Variants in ANO1 observed in about 807,000 individuals in gnomAD.
ANO1 encodes the protein anoctamin-1.
A neutral mutation model predicts 124.0 loss-of-function variants in ANO1; 59 were observed. The ratio of observed to expected loss-of-function variants is 0.48; its 90% CI spans 0.39 to 0.59. The LOEUF (loss-of-function observed/expected upper bound fraction) is 0.59. Ranked by LOEUF, ANO1 falls within the 20% of genes least tolerant of loss-of-function variation. ANO1 has a pLI of 0.00. For missense variants in ANO1, 1,059 were observed against 1,328.0 expected (o/e 0.80, Z 3.15); for synonymous variants, 529 against 532.0 (o/e 0.99, Z 0.08).
chr11:70,114,098 T>C (rs2045889831), intron 7 of ANO1, among the ~76,000 whole-genome samples: 1 of 152,206 alleles, frequency 6.6e-6, no homozygotes, highest in African/African-American at 2.4e-5. Context: ...ACAAGAAGCA[T>C]CTCCAAGATC....
rs1755732014 is a variant in ANO1 at position 70,103,099 on chromosome 11, C to T, written c.475C>T (p.His159Tyr). Reference sequence around the variant, plus strand: ...CCACGGAGTCGGGTTTGTGAAAATCCATGCCCCCTGGAACGTGCTGTGCAG... The same window carrying T: ...CCACGGAGTCGGGTTTGTGAAAATCTATGCCCCCTGGAACGTGCTGTGCAG... ...KIHGVGFVKI[H>Y]APWNVLCREA... The change falls in exon 3 of 26, where the codon CAT becomes TAT. Residue 159 changes from histidine to tyrosine, a missense_variant. Transcript: ENST00000355303. The T allele has an allele frequency of 6.2e-7, 1 of 1,612,752 alleles. No homozygotes were observed. Among genetic ancestry groups the T allele is most frequent in the South Asian group, 1.1e-5 (1 of 90,732 alleles).
At chr11:70,105,835 T>C (rs202230693) in intron 5 of ANO1, 47 bp downstream of exon 5, 9 of 1,579,216 alleles carry the variant, frequency 5.7e-6, no homozygotes, top group Middle Eastern at 3.4e-4. Flanking sequence ...AAGATGGCCC[T>C]GGGGATCCAG....
chr11:70,126,258 G>C, intron 10 of ANO1, 63 bp downstream of exon 10: 1 of 1,549,948 alleles, frequency 6.5e-7, no homozygotes, highest in Non-Finnish European at 8.7e-7. Context: ...TGCCATCCCA[G>C]CTGCACAATT....
chr11:70,162,165 G>T (rs1446772666), intron 18 of ANO1, among the ~76,000 whole-genome samples: 1 of 149,920 alleles, frequency 6.7e-6, no homozygotes, highest in African/African-American at 2.5e-5. Flanking sequence ...ACCCGGGAGT[G>T]AGGGCCTTGG....
At chr11:69,991,704 T>C (rs1444785070) in intron 1 of ANO1, among the ~76,000 whole-genome samples, 1 of 152,212 alleles carries the variant, frequency 6.6e-6, no homozygotes, top group Non-Finnish European at 1.5e-5. Flanking sequence ...TTAGGACAGT[T>C]ACAGTACCAG....
upstream of ANO1, among the ~76,000 whole-genome samples, chr11:70,074,426 C>G (rs549401194): frequency 6.6e-6 from 1 of 152,170 alleles, no homozygotes; most frequent in Non-Finnish European, 1.5e-5. Context: ...CTCCTTTCTG[C>G]CACCTCTCTA....
In ANO1 at chr11:70,022,380, C is replaced by T. The variant is rs185196696; in HGVS notation, c.58+36214C>T. 2.6e-5 allele frequency among the ~76,000 whole-genome samples: 4 copies of T among 152,226 alleles called. No homozygotes were observed. In the East Asian group the frequency reaches 5.8e-4, roughly 22 times the overall value. On this transcript the variant is annotated intron_variant, in intron 1 of 27. Transcript: ENST00000531349. ...TTGGGAGGCCGAGGCAAGTGGATCACGTGAGGTCAGGAGTTCAAGACCAAC... is the reference window on the plus strand; with the variant it reads ...TTGGGAGGCCGAGGCAAGTGGATCATGTGAGGTCAGGAGTTCAAGACCAAC...
chr11:70,086,076 G>A (rs75364515), intron 1 of ANO1, among the ~76,000 whole-genome samples: 3,860 of 152,306 alleles, frequency 0.025, 157 homozygotes, highest in African/African-American at 0.088. Context: ...CCCTCTTCTC[G>A]GATGATGCCC....
At chr11:70,146,252 G>A (rs2047373505) in intron 11 of ANO1, among the ~76,000 whole-genome samples, 1 of 152,214 alleles carries the variant, frequency 6.6e-6, no homozygotes. Context: ...TCAGGCCTCT[G>A]AATCTCAGTT....
intron 1 of ANO1, among the ~76,000 whole-genome samples, chr11:70,055,844 T>C (rs1239390939): frequency 6.6e-6 from 1 of 152,160 alleles, no homozygotes; most frequent in African/African-American, 2.4e-5. Context: ...TATTGTTCAA[T>C]TGGTTGCACT....
At chr11:70,039,239 T>C (rs1857143243) in intron 1 of ANO1, among the ~76,000 whole-genome samples, 1 of 152,124 alleles carries the variant, frequency 6.6e-6, no homozygotes, top group Non-Finnish European at 1.5e-5. Flanking sequence ...GCTTAAACAC[T>C]GGAAAGAGAA....
chr11:70,183,734 CA>C (rs2049010843), intron 24 of ANO1, among the ~76,000 whole-genome samples: 2 of 152,200 alleles, frequency 1.3e-5, no homozygotes, highest in Non-Finnish European at 2.9e-5. Context: ...GATCCTATCT[CA>C]GGAGTTGGCA....
In ANO1 at chr11:70,188,725, A is replaced by C. The variant is rs1362278468; in HGVS notation, c.*721A>C. On this transcript the variant is annotated 3_prime_UTR_variant, in exon 26 of 26. Transcript: ENST00000355303. ...GCCACACACCTGCCCCCATCACACC[A>C]AGCCGACCTCAGAGTTGTTCATCTT... The C allele has an allele frequency of 6.6e-6, 1 of 152,122 alleles. No homozygotes were observed. The highest frequency in any genetic ancestry group is 1.5e-5 in the Non-Finnish European group (1 of 68,046). 9.4% of individuals were successfully genotyped at this position (152,122 alleles called of 1,614,324 possible).
chr11:70,057,641 G>A (rs1238871610), intron 1 of ANO1, among the ~76,000 whole-genome samples: 1 of 152,142 alleles, frequency 6.6e-6, no homozygotes, highest in Non-Finnish European at 1.5e-5. Flanking sequence ...GGTGCTCAGA[G>A]GGGAGATCAT....
intron 7 of ANO1, among the ~76,000 whole-genome samples, chr11:70,114,617 G>A (rs1417252043): frequency 2.6e-5 from 4 of 152,176 alleles, no homozygotes; most frequent in African/African-American, 4.8e-5. Context: ...ATATCTGGTC[G>A]GTTGGGCACG....
chr11:70,120,225 G>A (rs2046202978), intron 8 of ANO1, among the ~76,000 whole-genome samples: 1 of 152,208 alleles, frequency 6.6e-6, no homozygotes, highest in African/African-American at 2.4e-5. Context: ...CAGGAGGCAG[G>A]TCTGGGCAGG....
the ANO1 span, among the ~76,000 whole-genome samples, chr11:69,980,199 C>A: frequency 6.6e-6 from 1 of 152,100 alleles, no homozygotes; most frequent in African/African-American, 2.4e-5. Context: ...TGTTCCAATT[C>A]ATCTGAGGTC....
chr11:70,058,560 T>C (rs1857493494), intron 1 of ANO1, among the ~76,000 whole-genome samples: 1 of 152,192 alleles, frequency 6.6e-6, no homozygotes, highest in African/African-American at 2.4e-5. Context: ...GAATTTTCTG[T>C]CTAGCCTGCT....
chr11:70,187,427 C>T (rs1228725492), intron 25 of ANO1, among the ~76,000 whole-genome samples: 2 of 152,180 alleles, frequency 1.3e-5, no homozygotes, highest in Non-Finnish European at 2.9e-5. Context: ...GCTCGATGCT[C>T]GTTAGATTTG....
Sources: allele counts gnomAD v4.1 joint callset (sites outside exome capture counted in the v4.1 genomes callset), GRCh38; gene constraint gnomAD v4.1.1; transcripts MANE v1.5; gene names NCBI Gene and HGNC (gene_info 2026-07-23, HGNC 2026-07-21).